The following FAM184A variants were observed in gnomAD, a reference collection of about 807,000 sequenced individuals.
FAM184A encodes the protein family with sequence similarity 184 member A, also known as protein FAM184A.
A neutral mutation model predicts 143.8 loss-of-function variants in FAM184A; 99 were observed. That is an observed-to-expected ratio of 0.69 (90% CI 0.58 to 0.81). The LOEUF (loss-of-function observed/expected upper bound fraction) is 0.81. Among genes scored for constraint, FAM184A ranks in the 40% least tolerant of loss-of-function variants. FAM184A has a pLI of 0.00. For synonymous variants in FAM184A, 427 were observed against 446.4 expected (o/e 0.96, Z 0.55); for missense variants, 1,217 against 1,310.5 (o/e 0.93, Z 1.10).
intron 1 of FAM184A, among the ~76,000 whole-genome samples, chr6:119,074,066 C>G (rs1406268728): frequency 6.6e-6 from 1 of 152,158 alleles, no homozygotes; most frequent in Non-Finnish European, 1.5e-5. Context: ...AGGTGAAAAT[C>G]TAGAGCCACT....
chr6:119,031,414 AC>A (rs1292933264), intron 1 of FAM184A: 5 of 152,342 alleles, frequency 3.3e-5, no homozygotes, highest in Admixed American at 2.0e-4. Flanking sequence ...GTGTGACGAC[AC>A]ATCAAGAAGG....
chr6:118,983,089 A>G (rs190485927), intron 9 of FAM184A, among the ~76,000 whole-genome samples: 1 of 152,356 alleles, frequency 6.6e-6, no homozygotes, highest in East Asian at 1.9e-4. Context: ...ACATCAAAAT[A>G]ATATTAAGGC....
chr6:118,988,775 G>C (rs1784269846), intron 9 of FAM184A, among the ~76,000 whole-genome samples: 1 of 151,960 alleles, frequency 6.6e-6, no homozygotes, highest in South Asian at 2.1e-4. Flanking sequence ...ATTTTATGTT[G>C]ATACACCATT....
chr6:119,047,481 C>T (rs889892546), intron 1 of FAM184A, among the ~76,000 whole-genome samples: 6 of 152,282 alleles, frequency 3.9e-5, no homozygotes, highest in South Asian at 2.1e-4. Context: ...AAGTAACCTA[C>T]GTGTCCATCA....
intron 6 of FAM184A, among the ~76,000 whole-genome samples, chr6:119,007,703 G>A (rs1322295637): frequency 2.6e-5 from 4 of 152,194 alleles, no homozygotes; most frequent in African/African-American, 7.2e-5. Flanking sequence ...CACTTTGGGA[G>A]GCCGAGGCAG....
intron 9 of FAM184A, among the ~76,000 whole-genome samples, chr6:118,983,492 G>A (rs1049192815): frequency 5.9e-5 from 9 of 152,072 alleles, no homozygotes; most frequent in Non-Finnish European, 1.3e-4. Context: ...ACAAGTAGTT[G>A]CTTCAAACTA....
At chr6:119,010,282 G>A (rs1243493754) in intron 6 of FAM184A, among the ~76,000 whole-genome samples, 3 of 152,212 alleles carry the variant, frequency 2.0e-5, no homozygotes, top group Admixed American at 1.3e-4. Context: ...GGACATGCCT[G>A]TCTTTAAGGC....
chr6:119,011,502 A>C, intron 5 of FAM184A, 71 bp from the exon 6 acceptor site: 3 of 954,174 alleles, frequency 3.1e-6, no homozygotes, highest in Non-Finnish European at 4.6e-6. Flanking sequence ...TCTAAGAAAA[A>C]GACTATTCTG....
At chr6:119,106,977 C>T (rs910655602) in intron 1 of FAM184A, among the ~76,000 whole-genome samples, 1 of 152,128 alleles carries the variant, frequency 6.6e-6, no homozygotes, top group Non-Finnish European at 1.5e-5. Flanking sequence ...ACTAATTTAT[C>T]CAAGTTACTC....
intron 1 of FAM184A, among the ~76,000 whole-genome samples, chr6:119,088,946 C>T (rs1041003358): frequency 1.3e-5 from 2 of 152,068 alleles, no homozygotes; most frequent in Non-Finnish European, 2.9e-5. Context: ...TCTCATGTTG[C>T]CACTAAGCCA....
intron 4 of FAM184A, among the ~76,000 whole-genome samples, chr6:119,017,414 C>T (rs981727347): frequency 1.4e-4 from 21 of 150,824 alleles, no homozygotes; most frequent in Admixed American, 1.1e-3. Flanking sequence ...AGGAGAATGG[C>T]GTGAAACTGG....
At chr6:119,009,713 T>C (rs2114655714) in intron 6 of FAM184A, 1 of 152,362 alleles carries the variant, frequency 6.6e-6, no homozygotes, top group Middle Eastern at 3.4e-3. Flanking sequence ...GTTAATTACT[T>C]ACCACCCTTT....
chr6:119,098,317 T>C (rs1484098927), intron 1 of FAM184A, among the ~76,000 whole-genome samples: 1 of 152,220 alleles, frequency 6.6e-6, no homozygotes, highest in Non-Finnish European at 1.5e-5. Context: ...TCTTTTTCTT[T>C]ATAAATTAGT....
intron 1 of FAM184A, among the ~76,000 whole-genome samples, chr6:119,062,073 C>A (rs1039850463): frequency 6.6e-6 from 1 of 152,044 alleles, no homozygotes; most frequent in African/African-American, 2.4e-5. Flanking sequence ...CCATTTTGAA[C>A]ACAGCCAACT....
At chr6:119,094,222 C>A (rs889588355) in intron 1 of FAM184A, among the ~76,000 whole-genome samples, 1 of 152,052 alleles carries the variant, frequency 6.6e-6, no homozygotes, top group Non-Finnish European at 1.5e-5. Flanking sequence ...CAGGAGCAAG[C>A]CACTGTGCCT....
At chr6:119,016,180 G>A (rs1033356533) in intron 5 of FAM184A, among the ~76,000 whole-genome samples, 2 of 152,150 alleles carry the variant, frequency 1.3e-5, no homozygotes, top group African/African-American at 2.4e-5. Flanking sequence ...GCACCAATCA[G>A]CGCCCTGACA....
At chr6:119,095,609 A>G (rs1788485319) in intron 1 of FAM184A, among the ~76,000 whole-genome samples, 1 of 152,192 alleles carries the variant, frequency 6.6e-6, no homozygotes, top group African/African-American at 2.4e-5. Flanking sequence ...CCCAGGCTAC[A>G]GTGCAATGGT....
chr6:119,030,690 T>C (rs755806713), intron 1 of FAM184A, among the ~76,000 whole-genome samples: 7 of 151,950 alleles, frequency 4.6e-5, no homozygotes, highest in Non-Finnish European at 1.0e-4. Context: ...TATTTATTTA[T>C]GGAGAGGGTG....
chr6:119,078,081 C>T lies in FAM184A; in HGVS notation c.159+60G>A. ...CAGGGCGCACTGCCTCCCGGGGAGACAGGTGAGTCCGGCGCGGCCCGCACG... is the reference window on the plus strand; with the variant it reads ...CAGGGCGCACTGCCTCCCGGGGAGATAGGTGAGTCCGGCGCGGCCCGCACG... On this transcript the variant is annotated intron_variant, in intron 1 of 17. Coordinates refer to ENST00000338891, the MANE Select transcript of FAM184A (RefSeq NM_024581.6). This position sits in a 1 kb window ranked among gnomAD's most constrained non-coding sequence, Gnocchi z 5.5. 1 of 1,527,132 alleles carries T rather than the reference C, an allele frequency of 6.5e-7. No homozygotes were observed. The highest frequency in any genetic ancestry group is 8.8e-7 in the Non-Finnish European group (1 of 1,140,500). The allele number at this position is 1,527,132 out of a possible 1,614,324, so 94.6% of individuals were successfully genotyped here.
Sources: allele counts gnomAD v4.1 joint callset (sites outside exome capture counted in the v4.1 genomes callset), GRCh38; gene constraint gnomAD v4.1.1; non-coding constraint Gnocchi (gnomAD v3.1); transcripts MANE v1.5; gene names NCBI Gene and HGNC (gene_info 2026-07-23, HGNC 2026-07-21).